The following RUFY4 variants were observed in gnomAD, a reference collection of about 807,000 sequenced individuals.
RUFY4 encodes the protein RUN and FYVE domain containing 4, also known as RUN and FYVE domain-containing protein 4.
In RUFY4, 73 loss-of-function variants were observed where a neutral mutation model predicts 69.0. The observed-to-expected ratio is 1.06, with a 90% CI of 0.88 to 1.29. RUFY4 has a LOEUF of 1.29. Among genes scored for constraint, RUFY4 ranks in the 50% most tolerant of loss-of-function variants. The pLI is 0.00. For synonymous variants in RUFY4, 287 were observed against 271.8 expected (o/e 1.06, Z -0.55); for missense variants, 770 against 705.6 (o/e 1.09, Z -1.03).
chr2:218,049,660 C>A lies in RUFY4; in HGVS notation c.-1157-8935C>A, dbSNP rs1178799619. On this transcript the variant is annotated intron_variant and NMD_transcript_variant, in intron 2 of 13. Transcript: ENST00000457754. ...TAGCTGGGATTACAGGCATGCGCCA[C>A]CACAGCTGGCTAATTTTTTGTATTT... Among the ~76,000 whole-genome samples the A allele has an allele frequency of 3.3e-5, 5 of 152,096 alleles. No homozygotes were observed. The East Asian group carries it at 9.7e-4, about 29-fold the overall frequency.
intron 2 of RUFY4, among the ~76,000 whole-genome samples, chr2:218,058,220 G>T (rs551579069): frequency 6.6e-6 from 1 of 152,214 alleles, no homozygotes; most frequent in East Asian, 1.9e-4. Flanking sequence ...AAAATGACCC[G>T]AGTTGTCCTT....
At chr2:218,065,884 C>A (rs1284238327), upstream of RUFY4, among the ~76,000 whole-genome samples, 5 of 152,222 alleles carry the variant, frequency 3.3e-5, no homozygotes, top group Non-Finnish European at 7.3e-5. Flanking sequence ...TCTGGCCAGG[C>A]CGTGTCAGGG....
chr2:218,088,999 C>A (rs1689962897), intron 9 of RUFY4, among the ~76,000 whole-genome samples: 3 of 151,980 alleles, frequency 2.0e-5, no homozygotes, highest in South Asian at 4.2e-4. Flanking sequence ...CCATCTTTCT[C>A]TGTCCATCTT....
In RUFY4 at chr2:218,084,224, T is replaced by C. The variant is rs186509188; in HGVS notation, c.1502+968T>C. 4.5e-4 allele frequency among the ~76,000 whole-genome samples: 69 copies of C among 151,678 alleles called. No individual in the cohort carries two copies. The East Asian group carries it at 0.013, about 29-fold the overall frequency. The stretch of plus-strand genomic sequence containing the variant: ...ATTAAAATTTGAAGGTTGCTAAGGG[T>C]TTTTTGTTTGCTTGTTTTTTTTTTT... On this transcript the variant is annotated intron_variant, in intron 9 of 10. Coordinates refer to ENST00000344321, the Ensembl canonical transcript of RUFY4.
chr2:218,057,632 G>A (rs749118064), intron 2 of RUFY4, among the ~76,000 whole-genome samples: 43 of 152,118 alleles, frequency 2.8e-4, no homozygotes, highest in Non-Finnish European at 3.7e-4. Flanking sequence ...TAAAACCATC[G>A]CCACAGGTTA....
intron 2 of RUFY4, among the ~76,000 whole-genome samples, chr2:218,047,704 A>G (rs768706228): frequency 4.1e-4 from 63 of 152,068 alleles, no homozygotes; most frequent in Admixed American, 1.3e-4. Flanking sequence ...CCTAAATCCT[A>G]TTTCCCCATA....
intron 8 of RUFY4, among the ~76,000 whole-genome samples, chr2:218,077,297 A>T (rs539115217): frequency 6.6e-6 from 1 of 151,200 alleles, no homozygotes; most frequent in Non-Finnish European, 1.5e-5. Context: ...CATCACATTG[A>T]CCTCAGGGGC....
chr2:218,045,904 G>A (rs1688815911), intron 2 of RUFY4, among the ~76,000 whole-genome samples: 1 of 151,676 alleles, frequency 6.6e-6, no homozygotes, highest in Non-Finnish European at 1.5e-5. Context: ...TCCGGGGTTC[G>A]CGCCATTCTC....
chr2:218,076,649 T>G lies in RUFY4; in HGVS notation c.1355+116T>G, dbSNP rs552528851. The stretch of plus-strand genomic sequence containing the variant: ...ACCTCCCATGCACCAGGCCCTGGAC[T>G]GGGCACACCTTTGGGATCTGAGGCC... On this transcript the variant is annotated intron_variant, in intron 8 of 10. Transcript: ENST00000344321. The G allele has an allele frequency of 9.3e-5, 136 of 1,460,148 alleles. 2 individuals carry two copies. The highest frequency in any genetic ancestry group is 9.1e-7 in the Non-Finnish European group (1 of 1,099,094). The allele number at this position is 1,460,148 out of a possible 1,614,324, so 90.4% of individuals were successfully genotyped here.
intron 2 of RUFY4, among the ~76,000 whole-genome samples, chr2:218,043,339 C>A (rs1393107913): frequency 6.6e-6 from 1 of 152,028 alleles, no homozygotes; most frequent in Non-Finnish European, 1.5e-5. Context: ...TGCAGCTGGT[C>A]ATCCAGTAGT....
exon 11 of RUFY4, chr2:218,090,150 G>A (rs773494923): frequency 1.2e-5 from 8 of 677,784 alleles, no homozygotes; most frequent in East Asian, 4.6e-5. Context: ...CCTCTTGTTT[G>A]TCCAGTCCTC....
chr2:218,059,834 T>C (rs139959674), intron 3 of RUFY4: 1 of 167,102 alleles, frequency 6.0e-6, no homozygotes, highest in Admixed American at 6.5e-5. Context: ...GTGGGTCAAT[T>C]ACTACAAGTG....
upstream of RUFY4, among the ~76,000 whole-genome samples, chr2:218,068,355 G>C (rs1382407761): frequency 6.6e-6 from 1 of 152,090 alleles, no homozygotes; most frequent in Non-Finnish European, 1.5e-5. Flanking sequence ...AGAGACCAAG[G>C]GTGCAAAGTG....
At chr2:218,040,440 C>T (rs146355905) in intron 2 of RUFY4, among the ~76,000 whole-genome samples, 1 of 152,298 alleles carries the variant, frequency 6.6e-6, no homozygotes, top group African/African-American at 2.4e-5. Flanking sequence ...GGAAGGAAGC[C>T]ACCTTTGCTT....
chr2:218,053,632 C>T lies in RUFY4; in HGVS notation c.-1157-4963C>T, dbSNP rs560494956. Among the ~76,000 whole-genome samples, 5 of 152,336 alleles carry T rather than the reference C, an allele frequency of 3.3e-5. No individual in the cohort carries two copies. In the South Asian group the frequency reaches 8.3e-4, roughly 25 times the overall value. Reference sequence around the variant, plus strand: ...TCATCCCATTCTCCTGCCTCAGCCTCCCGGGTAACTGGGACTACAGGCGTC... The same window carrying T: ...TCATCCCATTCTCCTGCCTCAGCCTTCCGGGTAACTGGGACTACAGGCGTC... On this transcript the variant is annotated intron_variant and NMD_transcript_variant, in intron 2 of 13. Transcript: ENST00000457754.
At chr2:218,074,124 C>G (rs972021946) in intron 6 of RUFY4, among the ~76,000 whole-genome samples, 1 of 152,004 alleles carries the variant, frequency 6.6e-6, no homozygotes, top group Non-Finnish European at 1.5e-5. Flanking sequence ...CACCCTCTGC[C>G]GGAGCCACTG....
intron 3 of RUFY4, among the ~76,000 whole-genome samples, chr2:218,062,309 G>A (rs1689215540): frequency 6.6e-6 from 1 of 151,344 alleles, no homozygotes; most frequent in Admixed American, 6.6e-5. Flanking sequence ...AGGAGGTTGA[G>A]ACAGGAGAAT....
In RUFY4 at chr2:218,076,472, C is replaced by T. The variant is rs777715429; in HGVS notation, c.1294C>T (p.Gln432Ter). 18 of 1,550,630 alleles carry T rather than the reference C, an allele frequency of 1.2e-5. No individual in the cohort carries two copies. The highest frequency in any genetic ancestry group is 2.0e-5 in the Admixed American group (1 of 50,966). The change falls in exon 8 of 11, where the codon CAG becomes TAG. Residue 432 changes from glutamine (Q) to a stop codon, truncating the protein, a stop_gained. Transcript: ENST00000344321. LOFTEE classifies it high-confidence loss of function. The stretch of plus-strand genomic sequence containing the variant: ...GAAGGCTGAGGAGCAGGCCCAGCGC[C>T]AGGAGCAGCTGCTGAGGGAGCAGGA...
chr2:218,064,834 C>T (rs1198586407), upstream of RUFY4, among the ~76,000 whole-genome samples: 2 of 152,106 alleles, frequency 1.3e-5, no homozygotes, highest in African/African-American at 4.8e-5. Context: ...CTGCCCTCCC[C>T]CTCCAGTTCC....
Sources: gnomAD v4.1 joint callset for allele counts (sites outside exome capture counted in the v4.1 genomes callset) on GRCh38, gnomAD v4.1.1 for gene constraint, MANE v1.5 for transcripts, NCBI Gene and HGNC (gene_info 2026-07-23, HGNC 2026-07-21) for gene names.